WDR37: variants seen among roughly 807,000 people sequenced by gnomAD.
WDR37 encodes WD repeat domain 37, also known as WD repeat-containing protein 37.
WDR37 carries 19 observed loss-of-function variants against 62.9 expected under a neutral mutation model. The ratio of observed to expected loss-of-function variants is 0.30; its 90% confidence interval spans 0.21 to 0.44. The LOEUF is 0.44. WDR37 is among the 20% of genes least tolerant of loss of function. WDR37 has a pLI of 1.00. For missense variants in WDR37, 474 were observed against 657.6 expected (o/e 0.72, Z 3.05); for synonymous variants, 250 against 260.9 (o/e 0.96, Z 0.40).
At chr10:1,063,255 A>G (rs959479377) in intron 1 of WDR37, among the ~76,000 whole-genome samples, 2 of 152,212 alleles carry the variant, frequency 1.3e-5, no homozygotes, top group Non-Finnish European at 2.9e-5. Flanking sequence ...GACTCAGACA[A>G]AACAAGGCCC....
intron 5 of WDR37, among the ~76,000 whole-genome samples, chr10:1,083,056 C>CA (rs1468053852): frequency 6.6e-5 from 10 of 152,166 alleles, no homozygotes; most frequent in Admixed American, 2.0e-4. Flanking sequence ...GTGAAATTTA[C>CA]CACCGCTTAT....
intron 11 of WDR37, among the ~76,000 whole-genome samples, chr10:1,106,250 A>T (rs1238657345): frequency 6.6e-6 from 1 of 151,670 alleles, no homozygotes; most frequent in Non-Finnish European, 1.5e-5. Flanking sequence ...TTCCCCCATC[A>T]TGCCCCACTG....
intron 1 of WDR37, among the ~76,000 whole-genome samples, chr10:1,067,609 AAG>A (rs1833593964): frequency 6.6e-6 from 1 of 152,222 alleles, no homozygotes; most frequent in Non-Finnish European, 1.5e-5. Context: ...AATGGGTGTG[AAG>A]AGACACCTCA....
chr10:1,126,532 A>G (rs1835787081), intron 13 of WDR37, among the ~76,000 whole-genome samples: 1 of 152,120 alleles, frequency 6.6e-6, no homozygotes, highest in Admixed American at 6.5e-5. Flanking sequence ...CTGTCTGGAT[A>G]CCTGTGTGAG....
intron 7 of WDR37, among the ~76,000 whole-genome samples, chr10:1,088,840 TCCAGTA>T (rs1834290136): frequency 6.6e-6 from 1 of 152,024 alleles, no homozygotes; most frequent in Non-Finnish European, 1.5e-5. Flanking sequence ...TTGTAAAAAA[TCCAGTA>T]CCTACAAAGC....
At chr10:1,076,115 A>G (rs1833870935) in intron 2 of WDR37, among the ~76,000 whole-genome samples, 2 of 151,918 alleles carry the variant, frequency 1.3e-5, no homozygotes, top group Non-Finnish European at 2.9e-5. Context: ...TTTAATTTTT[A>G]TAGTTACATT....
intron 9 of WDR37, among the ~76,000 whole-genome samples, chr10:1,101,437 G>C (rs1296752615): frequency 6.6e-6 from 1 of 152,126 alleles, no homozygotes; most frequent in African/African-American, 2.4e-5. Context: ...ATTGGAATAG[G>C]ATCCACTCTC....
At chr10:1,084,643 G>C (rs1325009468) in intron 6 of WDR37, 105 bp downstream of exon 6, 16 of 1,511,064 alleles carry the variant, frequency 1.1e-5, no homozygotes, top group Non-Finnish European at 6.3e-6. Flanking sequence ...AGATGCAAAA[G>C]CGTCATGGAG....
intron 11 of WDR37, among the ~76,000 whole-genome samples, chr10:1,122,602 G>C (rs998705509): frequency 6.6e-6 from 1 of 152,270 alleles, no homozygotes; most frequent in South Asian, 2.1e-4. Flanking sequence ...ATCATGCCTG[G>C]ATTGTGTGCC....
intron 13 of WDR37, among the ~76,000 whole-genome samples, chr10:1,127,161 G>GACTGTGAACTATGACTTTATT (rs1355189876): frequency 3.3e-5 from 5 of 152,218 alleles, no homozygotes; most frequent in African/African-American, 1.2e-4. Flanking sequence ...ATTTGTTTAT[G>GACTGTGAACTATGACTTTATT]ACTGTGAACT....
intron 1 of WDR37, among the ~76,000 whole-genome samples, chr10:1,064,420 C>G (rs1589073308): frequency 6.6e-6 from 1 of 152,012 alleles, no homozygotes; most frequent in African/African-American, 2.4e-5. Context: ...CTAAACTTGG[C>G]AAGCCATACA....
chr10:1,099,446 C>T lies in WDR37; in HGVS notation c.726+3200C>T, dbSNP rs982302634. Among the ~76,000 whole-genome samples, 5 of 152,322 alleles carry T rather than the reference C, an allele frequency of 3.3e-5. No homozygotes were observed. In the East Asian group the frequency reaches 9.6e-4, roughly 29 times the overall value. Reference sequence around the variant, plus strand: ...CTTGGAATATTCCTTGAGTTTTCTGCTTTGTGAACATTCTAAACACTGTTC... The same window carrying T: ...CTTGGAATATTCCTTGAGTTTTCTGTTTTGTGAACATTCTAAACACTGTTC... On this transcript the variant is annotated intron_variant, in intron 9 of 13. Coordinates refer to ENST00000263150, the MANE Select transcript of WDR37 (RefSeq NM_014023.4).
intron 1 of WDR37, among the ~76,000 whole-genome samples, chr10:1,060,420 T>G (rs1373558274): frequency 6.6e-6 from 1 of 152,210 alleles, no homozygotes; most frequent in Admixed American, 6.5e-5. Context: ...AGAGATTGAA[T>G]TTTTAGAGGG....
chr10:1,105,275 G>C lies in WDR37; in HGVS notation c.1103+8G>C. ...TTTCCAGGGACACACGGAGTGAGTT[G>C]CGGTAGTTTAGACATCTGTCCTTAG... is the stretch of plus-strand genomic sequence containing the variant. On this transcript the variant is annotated splice_region_variant and intron_variant, in intron 11 of 13. Transcript: ENST00000263150. This position sits in a 1 kb window ranked among gnomAD's most constrained non-coding sequence, Gnocchi z 5.3. 6.2e-7 allele frequency: 1 copy of C among 1,613,200 alleles called. No individual in the cohort carries two copies. Among genetic ancestry groups the C allele is most frequent in the Non-Finnish European group, 8.5e-7 (1 of 1,179,578 alleles).
intron 1 of WDR37, among the ~76,000 whole-genome samples, chr10:1,069,723 T>C (rs545713887): frequency 8.5e-5 from 13 of 152,090 alleles, no homozygotes; most frequent in African/African-American, 2.4e-4. Flanking sequence ...ATCTTGAACA[T>C]GTGGCACCTA....
chr10:1,126,342 C>A lies in WDR37; in HGVS notation c.1353+1318C>A, dbSNP rs554586582. ...AATGGCGTGAACCCAGGAGGCGGAG[C>A]TTGCAGTGAGCTGAGATCGCGCCAC... On this transcript the variant is annotated intron_variant, in intron 13 of 13. Transcript: ENST00000263150. Among the ~76,000 whole-genome samples the A allele has an allele frequency of 3.5e-4, 53 of 150,098 alleles. 1 individual carries two copies. Among genetic ancestry groups the A allele is most frequent in the Middle Eastern group, 6.8e-3 (2 of 292 alleles).
In WDR37 at chr10:1,074,554, G is replaced by A. The variant is rs1020570425; in HGVS notation, c.138+2261G>A. 4.6e-6 allele frequency: 6 copies of A among 1,302,380 alleles called. No individual in the cohort carries two copies. In the African/African-American group the frequency reaches 6.1e-5, roughly 13 times the overall value. The allele number at this position is 1,302,380 out of a possible 1,614,324, so 80.7% of individuals were successfully genotyped here. On this transcript the variant is annotated intron_variant, in intron 2 of 13. Transcript: ENST00000263150. ...GCTCTGCCTTCCCCCTGCCCTGGGC[G>A]GGAGAGGTGAGTGGCCCCCGTGAGG...
At chr10:1,058,161 C>T (rs943331539) in intron 1 of WDR37, among the ~76,000 whole-genome samples, 1 of 139,594 alleles carries the variant, frequency 7.2e-6, no homozygotes, top group Non-Finnish European at 1.6e-5. Context: ...ATTAATACTG[C>T]TCACAGGAGA....
At chr10:1,107,962 C>G (rs1413423709) in intron 11 of WDR37, among the ~76,000 whole-genome samples, 1 of 152,166 alleles carries the variant, frequency 6.6e-6, no homozygotes, top group Non-Finnish European at 1.5e-5. Flanking sequence ...TTATCCTTCA[C>G]CTAGGTTCAC....
Sources: allele counts gnomAD v4.1 joint callset (sites outside exome capture counted in the v4.1 genomes callset), GRCh38; gene constraint gnomAD v4.1.1; non-coding constraint Gnocchi (gnomAD v3.1); transcripts MANE v1.5; gene names NCBI Gene and HGNC (gene_info 2026-07-23, HGNC 2026-07-21).